The following ACOXL variants were observed in gnomAD, a reference collection of about 807,000 sequenced individuals.
ACOXL encodes acyl-coenzyme A oxidase-like protein.
Under a neutral mutation model 71.9 loss-of-function variants are expected in ACOXL, and 70 were observed. The ratio of observed to expected loss-of-function variants is 0.97; its 90% confidence interval spans 0.80 to 1.19. The LOEUF (loss-of-function observed/expected upper bound fraction) is 1.19. ACOXL is among the 50% of genes most tolerant of loss of function. The pLI is 0.00. For missense variants in ACOXL, 703 were observed against 736.3 expected (o/e 0.95, Z 0.52); for synonymous variants, 253 against 281.6 (o/e 0.90, Z 1.02).
intron 10 of ACOXL, among the ~76,000 whole-genome samples, chr2:110,859,611 A>G (rs1021697196): frequency 3.3e-5 from 5 of 152,224 alleles, no homozygotes; most frequent in Admixed American, 3.3e-4. Flanking sequence ...AGCCGGCTGC[A>G]TGGAGAGGGG....
intron 16 of ACOXL, among the ~76,000 whole-genome samples, chr2:111,074,084 G>A (rs2067476400): frequency 6.6e-6 from 1 of 151,018 alleles, no homozygotes; most frequent in Non-Finnish European, 1.5e-5. Context: ...TTAATGTATT[G>A]ACCTTGTATC....
intron 16 of ACOXL, among the ~76,000 whole-genome samples, chr2:111,050,262 TA>T (rs376587703): frequency 0.026 from 3,703 of 143,420 alleles, 131 homozygotes; most frequent in African/African-American, 0.076. Context: ...TTTTGGTCTT[TA>T]AAAAAAAAAA....
intron 11 of ACOXL, among the ~76,000 whole-genome samples, chr2:110,932,930 AC>A (rs2060529300): frequency 6.6e-6 from 1 of 152,198 alleles, no homozygotes; most frequent in Admixed American, 6.5e-5. Context: ...ACCCATGAAG[AC>A]TTTGGTAGAC....
chr2:110,789,697 G>A (rs1212930316), intron 3 of ACOXL, among the ~76,000 whole-genome samples: 1 of 152,156 alleles, frequency 6.6e-6, no homozygotes, highest in Non-Finnish European at 1.5e-5. Context: ...ATCACACAGC[G>A]GGTAGGGCTT....
rs1244163631 is a variant in ACOXL, at chr2:111,025,580, G to C, written c.1282-6047G>C. Among the ~76,000 whole-genome samples, 3 of 152,120 alleles carry C rather than the reference G, an allele frequency of 2.0e-5. No homozygotes were observed. The East Asian group carries it at 5.8e-4, about 29-fold the overall frequency. ...TGCGTTTCTCAGATCTTCTTCATGT[G>C]TTTATTTGCTATTCATTTTGTCTTC... is the stretch of plus-strand genomic sequence containing the variant. On this transcript the variant is annotated intron_variant, in intron 14 of 17. Transcript: ENST00000439055.
chr2:110,931,510 C>T (rs908280718), intron 11 of ACOXL, among the ~76,000 whole-genome samples: 4 of 152,080 alleles, frequency 2.6e-5, no homozygotes, highest in African/African-American at 9.7e-5. Flanking sequence ...CCACAGACTT[C>T]CTTAGGGCAC....
chr2:111,079,415 T>C (rs1407747365), intron 16 of ACOXL, among the ~76,000 whole-genome samples: 9 of 152,228 alleles, frequency 5.9e-5, no homozygotes, highest in Admixed American at 5.9e-4. Context: ...AATCCATGCA[T>C]GAAGGCCTCA....
chr2:110,772,488 C>T (rs956416806), intron 2 of ACOXL, among the ~76,000 whole-genome samples: 12 of 152,130 alleles, frequency 7.9e-5, no homozygotes, highest in Admixed American at 2.6e-4. Flanking sequence ...ATAGGGAAAC[C>T]GCATCTCAAC....
chr2:110,985,694 A>G (rs1415688283), intron 12 of ACOXL, among the ~76,000 whole-genome samples: 3 of 152,156 alleles, frequency 2.0e-5, no homozygotes, highest in Non-Finnish European at 2.9e-5. Context: ...TCAAGGGAAC[A>G]GGGGAGTTTA....
chr2:111,005,474 C>T (rs901837420), intron 14 of ACOXL, among the ~76,000 whole-genome samples: 8 of 152,146 alleles, frequency 5.3e-5, no homozygotes, highest in African/African-American at 1.9e-4. Flanking sequence ...GACTGCCGCC[C>T]ACAGTTTTTA....
chr2:111,095,594 C>T (rs753353158), intron 17 of ACOXL, among the ~76,000 whole-genome samples: 2 of 151,992 alleles, frequency 1.3e-5, no homozygotes, highest in Non-Finnish European at 2.9e-5. Context: ...TTTCGCCATG[C>T]TGTCCAGGCT....
intron 17 of ACOXL, among the ~76,000 whole-genome samples, chr2:111,106,756 T>C (rs2069564110): frequency 6.6e-6 from 1 of 152,216 alleles, no homozygotes; most frequent in Non-Finnish European, 1.5e-5. Flanking sequence ...GGTTCTCTAC[T>C]TAGTCTCTGT....
Position 110,805,399 on chromosome 2 carries a change from A to G in ACOXL, c.753+4A>G. ...CCAAGCTATGGGTGCCATGAAGGTA[A>G]TTGACTCTGATTTTAACTTAATTAT... On this transcript the variant is annotated splice_donor_region_variant and intron_variant, in intron 9 of 17. Transcript: ENST00000439055. The G allele has an allele frequency of 6.2e-7, 1 of 1,614,152 alleles. No homozygotes were observed. Among genetic ancestry groups the G allele is most frequent in the African/African-American group, 1.3e-5 (1 of 75,044 alleles).
chr2:110,818,387 C>G (rs542155454), intron 9 of ACOXL, among the ~76,000 whole-genome samples: 118 of 52,654 alleles, frequency 2.2e-3, no homozygotes, highest in Non-Finnish European at 3.8e-3. Context: ...GAGTGAGACT[C>G]TGTCTCAAAA....
At chr2:110,797,512 C>CT (rs1352077156) in intron 5 of ACOXL, among the ~76,000 whole-genome samples, 1 of 152,192 alleles carries the variant, frequency 6.6e-6, no homozygotes, top group Non-Finnish European at 1.5e-5. Flanking sequence ...GGCTGCTACT[C>CT]TAAGCAGTGG....
intron 5 of ACOXL, among the ~76,000 whole-genome samples, chr2:110,797,018 C>G (rs961532347): frequency 6.7e-6 from 1 of 148,602 alleles, no homozygotes; most frequent in Non-Finnish European, 1.5e-5. Context: ...CAGTTCCACT[C>G]TCTGCCATTT....
chr2:111,097,232 G>GA (rs1391966606), intron 17 of ACOXL, among the ~76,000 whole-genome samples: 5 of 150,956 alleles, frequency 3.3e-5, no homozygotes, highest in Admixed American at 6.6e-5. Context: ...AGAAAAGTTG[G>GA]AAAAAAAAAT....
At chr2:110,801,956 C>T (rs777889044) in intron 8 of ACOXL, among the ~76,000 whole-genome samples, 1 of 152,214 alleles carries the variant, frequency 6.6e-6, no homozygotes, top group Non-Finnish European at 1.5e-5. Context: ...CTTCAATATA[C>T]ATCTTTCCAG....
intron 12 of ACOXL, among the ~76,000 whole-genome samples, chr2:110,946,619 A>G (rs1159487947): frequency 1.3e-5 from 2 of 152,172 alleles, no homozygotes; most frequent in Non-Finnish European, 2.9e-5. Context: ...AGAAAATAGT[A>G]GAGTCCTCCT....
Sources: gnomAD v4.1 joint callset for allele counts (sites outside exome capture counted in the v4.1 genomes callset) on GRCh38, gnomAD v4.1.1 for gene constraint, MANE v1.5 for transcripts, NCBI Gene and HGNC (gene_info 2026-07-23, HGNC 2026-07-21) for gene names.